ANAPC10: variants seen among roughly 807,000 people sequenced by gnomAD.
ANAPC10 encodes anaphase-promoting complex subunit 10.
ANAPC10 carries 12 observed loss-of-function variants against 22.0 expected under a neutral mutation model. The ratio of observed to expected loss-of-function variants is 0.55; its 90% CI spans 0.35 to 0.88. The LOEUF (loss-of-function observed/expected upper bound fraction) is 0.88. Ranked by LOEUF, ANAPC10 falls within the 40% of genes least tolerant of loss-of-function variation. The pLI is 0.01. For missense variants in ANAPC10, 188 were observed against 220.9 expected (o/e 0.85, Z 0.94); for synonymous variants, 65 against 69.5 (o/e 0.94, Z 0.32).
intron 3 of ANAPC10, among the ~76,000 whole-genome samples, chr4:145,069,736 T>C (rs557669819): frequency 1.1e-4 from 17 of 152,268 alleles, no homozygotes; most frequent in East Asian, 3.9e-4. Context: ...AAGATGTAAT[T>C]TGCCTTTTTC....
chr4:145,023,009 G>T (rs1337556675), intron 4 of ANAPC10, among the ~76,000 whole-genome samples: 2 of 152,016 alleles, frequency 1.3e-5, no homozygotes, highest in African/African-American at 4.8e-5. Flanking sequence ...ATCTCCTAAT[G>T]CTAGTTATAA....
At chr4:145,054,647 G>GCA (rs1560884618) in intron 4 of ANAPC10, among the ~76,000 whole-genome samples, 7 of 145,888 alleles carry the variant, frequency 4.8e-5, no homozygotes, top group African/African-American at 8.0e-5. Context: ...GTGTGCGCGC[G>GCA]CGCGCGCGTG....
At position 144,995,326 on chromosome 4, in the gene ANAPC10, C is replaced by A. The variant is rs775970095; in HGVS notation, c.*47G>T. ...AGGTACATGATATATTATTTAAATA[C>A]AGGATAAAACAAAGATACGTTTAAT... On this transcript the variant is annotated 3_prime_UTR_variant, in exon 5 of 5. Transcript: ENST00000507656. 5.7e-6 allele frequency: 7 copies of A among 1,230,742 alleles called. No individual in the cohort carries two copies. The East Asian group carries it at 1.4e-4, about 25-fold the overall frequency. 76.2% of individuals were successfully genotyped at this position (1,230,742 alleles called of 1,614,324 possible). A position where few individuals can be genotyped will look rare whatever the true frequency, so the allele number is the denominator to read the frequency against.
At chr4:145,088,299 G>A (rs1747184399) in intron 2 of ANAPC10, among the ~76,000 whole-genome samples, 1 of 152,002 alleles carries the variant, frequency 6.6e-6, no homozygotes, top group Non-Finnish European at 1.5e-5. Context: ...GAATATCATT[G>A]GCACACTGAT....
At position 144,995,312 on chromosome 4, in the gene ANAPC10, A is replaced by C; in HGVS notation, c.*61T>G. 1 of 1,058,896 alleles carries C rather than the reference A, an allele frequency of 9.4e-7. No individual in the cohort carries two copies. Among genetic ancestry groups the C allele is most frequent in the Non-Finnish European group, 1.4e-6 (1 of 712,794 alleles). The allele number at this position is 1,058,896 out of a possible 1,614,324, so 65.6% of individuals were successfully genotyped here. A position where few individuals can be genotyped will look rare whatever the true frequency, so the allele number is the denominator to read the frequency against. On this transcript the variant is annotated 3_prime_UTR_variant, in exon 5 of 5. Coordinates refer to ENST00000507656, the MANE Select transcript of ANAPC10 (RefSeq NM_001256706.2). ...GCCTTGTTCAATAAAGGTACATGATATATTATTTAAATACAGGATAAAACA... is the reference window on the plus strand; with the variant it reads ...GCCTTGTTCAATAAAGGTACATGATCTATTATTTAAATACAGGATAAAACA...
At chr4:145,000,582 A>G (rs939583915) in intron 4 of ANAPC10, among the ~76,000 whole-genome samples, 1 of 152,144 alleles carries the variant, frequency 6.6e-6, no homozygotes, top group Admixed American at 6.6e-5. Flanking sequence ...AAATAGGAAC[A>G]CTTTTACACT....
chr4:145,076,860 C>T (rs1745273728), intron 3 of ANAPC10, among the ~76,000 whole-genome samples: 1 of 152,208 alleles, frequency 6.6e-6, no homozygotes, highest in South Asian at 2.1e-4. Flanking sequence ...GAAAGAATCT[C>T]AGAGAACAAA....
intron 2 of ANAPC10, among the ~76,000 whole-genome samples, chr4:145,086,107 C>T (rs1243800667): frequency 2.0e-5 from 3 of 151,988 alleles, no homozygotes; most frequent in African/African-American, 4.8e-5. Context: ...GGATTACAGG[C>T]GCCTGCCAAC....
In ANAPC10 at chr4:145,001,498, T is replaced by TA. The variant is rs541938385; in HGVS notation, c.328-5896dup. On this transcript the variant is annotated intron_variant, in intron 4 of 4. Coordinates refer to ENST00000507656, the MANE Select transcript of ANAPC10 (RefSeq NM_001256706.2). Reference sequence around the variant, plus strand: ...ATTTATTGTTTACATGGTAGAGAGTTAAAGTTTTACAAAATGAAGAGTTTT... The same window carrying TA: ...ATTTATTGTTTACATGGTAGAGAGTTAAAAGTTTTACAAAATGAAGAGTTTT... Among the ~76,000 whole-genome samples the TA allele has an allele frequency of 6.6e-5, 10 of 152,244 alleles. No individual in the cohort carries two copies. The East Asian group carries it at 1.9e-3, about 29-fold the overall frequency.
At chr4:145,030,321 C>G (rs886110023) in intron 4 of ANAPC10, among the ~76,000 whole-genome samples, 4 of 152,190 alleles carry the variant, frequency 2.6e-5, no homozygotes, top group Non-Finnish European at 5.9e-5. Context: ...GGCCAGGTCC[C>G]CTTGGGGAAG....
intron 4 of ANAPC10, among the ~76,000 whole-genome samples, chr4:145,049,444 T>C (rs1213572855): frequency 1.3e-5 from 2 of 152,358 alleles, no homozygotes; most frequent in Middle Eastern, 3.4e-3. Flanking sequence ...CTAAATTCTT[T>C]GTTGTCATTT....
intron 2 of ANAPC10, among the ~76,000 whole-genome samples, chr4:145,092,058 C>A (rs1392579167): frequency 6.6e-6 from 1 of 152,126 alleles, no homozygotes; most frequent in African/African-American, 2.4e-5. Flanking sequence ...AGCAAACTAA[C>A]ACAGGAACAG....
intron 4 of ANAPC10, among the ~76,000 whole-genome samples, chr4:145,011,336 A>AAAAATAAAATAAAATTAAAAT (rs1734275286): frequency 7.7e-6 from 1 of 130,076 alleles, no homozygotes; most frequent in Non-Finnish European, 1.6e-5. Flanking sequence ...GACTGTCTTA[A>AAAAATAAAATAAAATTAAAAT]AAAATAAAAT....
At chr4:145,093,646 G>A (rs372675173) in intron 2 of ANAPC10, among the ~76,000 whole-genome samples, 22 of 150,816 alleles carry the variant, frequency 1.5e-4, no homozygotes, top group Non-Finnish European at 2.5e-4. Context: ...AAAATTCTAC[G>A]AGTCAAATGG....
At chr4:145,029,196 T>G (rs1402857399) in intron 4 of ANAPC10, among the ~76,000 whole-genome samples, 1 of 152,022 alleles carries the variant, frequency 6.6e-6, no homozygotes, top group Non-Finnish European at 1.5e-5. Context: ...AGAAAGAGCT[T>G]CACCATCCCC....
intron 4 of ANAPC10, among the ~76,000 whole-genome samples, chr4:145,015,553 G>C (rs1346272302): frequency 6.6e-6 from 1 of 151,690 alleles, no homozygotes; most frequent in Non-Finnish European, 1.5e-5. Flanking sequence ...GGCCTTGCTA[G>C]AGACCTACAC....
chr4:145,054,604 AGTGTGTGT>A (rs70956823), intron 4 of ANAPC10, among the ~76,000 whole-genome samples: 7,560 of 128,234 alleles, frequency 0.059, 262 homozygotes, highest in African/African-American at 0.072. Flanking sequence ...CATACTGAAT[AGTGTGTGT>A]GTGTGTGTGT....
chr4:145,026,246 A>G (rs1736640900), intron 4 of ANAPC10, among the ~76,000 whole-genome samples: 1 of 152,216 alleles, frequency 6.6e-6, no homozygotes. Flanking sequence ...TCAATTTAAC[A>G]TTTATTGATT....
chr4:145,020,672 C>G (rs1735842201), intron 4 of ANAPC10, among the ~76,000 whole-genome samples: 1 of 151,876 alleles, frequency 6.6e-6, no homozygotes, highest in South Asian at 2.1e-4. Context: ...AATCGTTTAC[C>G]TCAAAAATCC....
Sources: allele counts gnomAD v4.1 joint callset (sites outside exome capture counted in the v4.1 genomes callset), GRCh38; gene constraint gnomAD v4.1.1; transcripts MANE v1.5; gene names NCBI Gene and HGNC (gene_info 2026-07-23, HGNC 2026-07-21).